CD163: variants seen among roughly 807,000 people sequenced by gnomAD.
CD163 encodes the protein CD163 molecule, also known as scavenger receptor cysteine-rich type 1 protein M130.
Under a neutral mutation model 129.2 loss-of-function variants are expected in CD163, and 64 were observed. That is an observed-to-expected ratio of 0.50 (90% CI 0.41 to 0.61). The LOEUF (loss-of-function observed/expected upper bound fraction) is 0.61, where lower values mean the gene tolerates loss of function less well. Ranked by LOEUF, CD163 falls within the 20% of genes least tolerant of loss-of-function variation. The pLI, the probability that CD163 is intolerant of heterozygous loss-of-function variation, is 0.00. For synonymous variants in CD163, 446 were observed against 478.5 expected (o/e 0.93, Z 0.89); for missense variants, 1,061 against 1,377.9 (o/e 0.77, Z 3.64).
At position 7,486,784 on chromosome 12, in the gene CD163, C is replaced by T. The variant is rs1395057941; in HGVS notation, c.2173G>A (p.Gly725Arg). The T allele has an allele frequency of 1.2e-6, 2 of 1,610,860 alleles. No individual in the cohort carries two copies. Among genetic ancestry groups the T allele is most frequent in the East Asian group, 4.5e-5 (2 of 44,814 alleles). The change falls in exon 10 of 17, where the codon GGA becomes AGA. Residue 725 changes from glycine to arginine, a missense_variant. Gly to Arg is a moderately radical substitution (Grantham distance 125). Transcript: ENST00000432237. ...ESGQLRLVNGGGRCAGRVEIY... is the reference protein window; with the variant it reads ...ESGQLRLVNGRGRCAGRVEIY... ...TCTACTCTCCCAGCACAGCGACCTC[C>T]TCCATTTACCAGGCGAAGTTGACCA...
At chr12:7,491,088 C>CATTT (rs1432830967) in intron 6 of CD163, among the ~76,000 whole-genome samples, 1 of 152,034 alleles carries the variant, frequency 6.6e-6, no homozygotes, top group Non-Finnish European at 1.5e-5. Flanking sequence ...CTTACTCTTT[C>CATTT]ATTTGGACCC....
chr12:7,477,391 G>A (rs1949101702), intron 16 of CD163, among the ~76,000 whole-genome samples: 1 of 152,250 alleles, frequency 6.6e-6, no homozygotes, highest in African/African-American at 2.4e-5. Context: ...ACACACCATG[G>A]AATACTATAG....
chr12:7,485,730 T>G lies in CD163; in HGVS notation c.2459-314A>C, dbSNP rs1404656538. On this transcript the variant is annotated intron_variant, in intron 10 of 16. Transcript: ENST00000432237. This position sits in a 1 kb window ranked among gnomAD's most constrained non-coding sequence, Gnocchi z 4.5. ...TTTTCCCAAAAATATTCTCCTTTTT[T>G]TGCAACTGTCTTTGATAGTTAAAAT... is the stretch of plus-strand genomic sequence containing the variant. Among the ~76,000 whole-genome samples, 1 of 152,176 alleles carries G rather than the reference T, an allele frequency of 6.6e-6. No individual in the cohort carries two copies. The highest frequency in any genetic ancestry group is 1.5e-5 in the Non-Finnish European group (1 of 68,032).
chr12:7,494,211 T>C (rs1482631121), intron 6 of CD163, among the ~76,000 whole-genome samples: 1 of 152,256 alleles, frequency 6.6e-6, no homozygotes, highest in Non-Finnish European at 1.5e-5. Flanking sequence ...CACTTTTTTA[T>C]TTTGAAGTTT....
In CD163 at chr12:7,483,548, T is replaced by G. The variant is rs767965678; in HGVS notation, c.2907A>C (p.Gln969His). 2 of 1,613,898 alleles carry G rather than the reference T, an allele frequency of 1.2e-6. No individual in the cohort carries two copies. The highest frequency in any genetic ancestry group is 2.2e-5 in the South Asian group (2 of 91,076). Residue 969 changes from glutamine to histidine, a missense_variant, in exon 12 of 17, where the codon CAA becomes CAC. Transcript: ENST00000432237. Reference protein sequence around the residue: ...DLDDAQVVCQQLGCGPALKAF... With the variant: ...DLDDAQVVCQHLGCGPALKAF... ...CTTTCAAAGCTGGACCACAGCCAAG[T>G]TGTTGACACACCACCTGAGCATCGT...
chr12:7,498,382 G>C (rs1195839521), intron 4 of CD163, among the ~76,000 whole-genome samples: 1 of 152,042 alleles, frequency 6.6e-6, no homozygotes, highest in Non-Finnish European at 1.5e-5. Flanking sequence ...TATAAATAAA[G>C]TTTTAATGAG....
rs1213631225 is a variant in CD163 at position 7,495,106 on chromosome 12, A to G, written c.1395T>C (p.Tyr465=). ...WQWGGLTCDH[Y]EEAKITCSAH... is the part of the protein sequence containing the mutation. ...CTGAGCAGGTAATTTTGGCTTCTTC[A>G]TAGTGATCACAGGTAAGTCCACCCC... Residue 465 remains tyrosine (Y), a synonymous_variant, in exon 6 of 17, where the codon TAT becomes TAC. Transcript: ENST00000432237. The G allele has an allele frequency of 3.1e-6, 5 of 1,614,128 alleles. No homozygotes were observed. In the Admixed American group the frequency reaches 6.7e-5, roughly 22 times the overall value.
Position 7,499,039 on chromosome 12 carries a change from C to T in CD163, c.607G>A (p.Gly203Arg), listed in dbSNP as rs267603684. ...ASVICRQLEC[G>R]SAVSFSGSSN... ...GAACCAGAGAAACTGACAGCACTTC[C>T]ACATTCAAGTTGTCTACAAATGACA... The change falls in exon 4 of 17, where the codon GGA becomes AGA. Residue 203 changes from glycine (G) to arginine (R), a missense_variant. Coordinates refer to ENST00000432237, the MANE Select transcript of CD163 (RefSeq NM_203416.4). 6.2e-7 allele frequency: 1 copy of T among 1,614,176 alleles called. No individual in the cohort carries two copies. Among genetic ancestry groups the T allele is most frequent in the Non-Finnish European group, 8.5e-7 (1 of 1,180,028 alleles).
At chr12:7,493,547 C>G (rs1227947083) in intron 6 of CD163, among the ~76,000 whole-genome samples, 1 of 152,142 alleles carries the variant, frequency 6.6e-6, no homozygotes, top group Non-Finnish European at 1.5e-5. Context: ...TCTTCAGTCA[C>G]TATTATTTGT....
intron 2 of CD163, 39 bp downstream of exon 2, chr12:7,502,439 G>A: frequency 1.5e-6 from 2 of 1,292,444 alleles, no homozygotes; most frequent in Non-Finnish European, 2.3e-6. Context: ...TCTTGTCAGA[G>A]TGGGCTAAGG....
At position 7,486,669 on chromosome 12, in the gene CD163, C is replaced by T; in HGVS notation, c.2288G>A (p.Gly763Glu). ...AHVVCRQLGC[G>E]EAINATGSAH... Reference sequence around the variant, plus strand: ...AGAACCAGTGGCATTAATGGCCTCTCCACAGCCCAGCTGTCTGCAAACCAC... The same window carrying T: ...AGAACCAGTGGCATTAATGGCCTCTTCACAGCCCAGCTGTCTGCAAACCAC... The change falls in exon 10 of 17, where the codon GGA (glycine) becomes GAA (glutamate). Residue 763 changes from glycine to glutamate, a missense_variant. Transcript: ENST00000432237. 6.2e-7 allele frequency: 1 copy of T among 1,614,182 alleles called. No homozygotes were observed. The highest frequency in any genetic ancestry group is 8.5e-7 in the Non-Finnish European group (1 of 1,180,026).
At chr12:7,493,446 A>G (rs775606792) in intron 6 of CD163, among the ~76,000 whole-genome samples, 3 of 152,170 alleles carry the variant, frequency 2.0e-5, no homozygotes, top group Non-Finnish European at 2.9e-5. Context: ...TCTATTCTGG[A>G]TGTTTCTTGG....
In CD163 at chr12:7,485,540, A is replaced by AC; in HGVS notation, c.2459-125_2459-124insG. 1.5e-5 allele frequency: 8 copies of AC among 538,036 alleles called. No individual in the cohort carries two copies. The highest frequency in any genetic ancestry group is 3.9e-5 in the South Asian group (1 of 25,648). 33.3% of individuals were successfully genotyped at this position (538,036 alleles called of 1,614,324 possible). ...CAATAGTACAATATGTCAGTTACTA[A>AC]TAATTCGTTAGTAACTTCTGGATGA... is the stretch of plus-strand genomic sequence containing the variant. On this transcript the variant is annotated intron_variant, in intron 10 of 16. Coordinates refer to ENST00000432237, the MANE Select transcript of CD163 (RefSeq NM_203416.4). This position sits in a 1 kb window ranked among gnomAD's most constrained non-coding sequence, Gnocchi z 4.5.
chr12:7,475,592 A>C (rs1949076377), intron 16 of CD163, among the ~76,000 whole-genome samples: 2 of 152,180 alleles, frequency 1.3e-5, no homozygotes. Flanking sequence ...CGTATCTCAA[A>C]ATAATAAGAG....
intron 13 of CD163, 45 bp downstream of exon 13, chr12:7,482,921 T>C (rs1157033124): frequency 1.9e-6 from 3 of 1,600,564 alleles, no homozygotes; most frequent in East Asian, 4.5e-5. Context: ...AAAAATTCTA[T>C]GTATGCAGAT....
At chr12:7,481,780 T>A (rs1949165620) in intron 14 of CD163, among the ~76,000 whole-genome samples, 1 of 152,178 alleles carries the variant, frequency 6.6e-6, no homozygotes, top group Admixed American at 6.6e-5. Context: ...AATTTGTGCC[T>A]TTTCTCTTCT....
Position 7,486,956 on chromosome 12 carries a change from T to C in CD163, c.2081A>G (p.Asn694Ser), listed in dbSNP as rs1949259605. ...CCTTGTTGGGCCCAAAGACGATGAATTGCACGAGGACAGTGTTTGGGACTG... is the reference window on the plus strand; with the variant it reads ...CCTTGTTGGGCCCAAAGACGATGAACTGCACGAGGACAGTGTTTGGGACTG... ...GNQSQTLSSC[N>S]SSSLGPTRPT... The change falls in exon 9 of 17, where the codon AAT becomes AGT. Residue 694 changes from asparagine (N) to serine (S), a missense_variant. Asn to Ser is a conservative substitution (Grantham distance 46). Coordinates refer to ENST00000432237, the MANE Select transcript of CD163 (RefSeq NM_203416.4). 1.2e-6 allele frequency: 2 copies of C among 1,614,044 alleles called. No homozygotes were observed. Among genetic ancestry groups the C allele is most frequent in the South Asian group, 2.2e-5 (2 of 91,086 alleles).
At chr12:7,479,485 C>T (rs1014583477) in intron 16 of CD163, among the ~76,000 whole-genome samples, 1 of 152,046 alleles carries the variant, frequency 6.6e-6, no homozygotes, top group Non-Finnish European at 1.5e-5. Context: ...GTTTCTTAGG[C>T]AAACTTTCTG....
chr12:7,487,523 G>T lies in CD163; in HGVS notation c.1886C>A (p.Ala629Asp), dbSNP rs1384377623. Reference sequence around the variant, plus strand: ...ACGTGCTCCTCCTGGGGTAGAAAGGGCAACTCCACATTTAAGCTGCTGGCA... The same window carrying T: ...ACGTGCTCCTCCTGGGGTAGAAAGGTCAACTCCACATTTAAGCTGCTGGCA... Reference protein sequence around the residue: ...VLCQQLKCGVALSTPGGARFG... With the variant: ...VLCQQLKCGVDLSTPGGARFG... Residue 629 changes from alanine to aspartate, a missense_variant, in exon 8 of 17, where the codon GCC (alanine) becomes GAC (aspartate). Transcript: ENST00000432237. This position sits in a 1 kb window ranked among gnomAD's most constrained non-coding sequence, Gnocchi z 5.1. 6.2e-7 allele frequency: 1 copy of T among 1,613,898 alleles called. No homozygotes were observed. Among genetic ancestry groups the T allele is most frequent in the Non-Finnish European group, 8.5e-7 (1 of 1,180,008 alleles).
Sources: gnomAD v4.1 joint callset for allele counts (sites outside exome capture counted in the v4.1 genomes callset) on GRCh38, gnomAD v4.1.1 for gene constraint, Gnocchi (gnomAD v3.1) non-coding constraint, MANE v1.5 for transcripts, NCBI Gene and HGNC (gene_info 2026-07-23, HGNC 2026-07-21) for gene names.